Variants in KCNK13 observed in about 807,000 individuals in gnomAD.
KCNK13 encodes the protein potassium two pore domain channel subfamily K member 13, also known as potassium channel subfamily K member 13.
In KCNK13, 12 loss-of-function variants were observed where a neutral mutation model predicts 23.4. The observed-to-expected ratio is 0.51, with a 90% CI of 0.33 to 0.83. The LOEUF is 0.83. Ranked by LOEUF, KCNK13 falls within the 40% of genes least tolerant of loss-of-function variation. The pLI is 0.02. For synonymous variants in KCNK13, 231 were observed against 229.5 expected, an observed-to-expected ratio of 1.01 and a Z score of -0.06; for missense variants, 463 against 556.3, an observed-to-expected ratio of 0.83 and a Z score of 1.69.
At chr14:90,115,470 A>G (rs1308915313) in intron 1 of KCNK13, among the ~76,000 whole-genome samples, 1 of 152,222 alleles carries the variant, frequency 6.6e-6, no homozygotes, top group Non-Finnish European at 1.5e-5. Flanking sequence ...TTGGAGTCAG[A>G]AGGTTCCAGG....
intron 1 of KCNK13, among the ~76,000 whole-genome samples, chr14:90,172,624 T>C (rs1305728560): frequency 9.6e-6 from 1 of 104,462 alleles, no homozygotes; most frequent in Non-Finnish European, 1.8e-5. Context: ...ACTGATGTGA[T>C]TGTATTGTTC....
chr14:90,071,828 G>A lies in KCNK13; in HGVS notation c.334+9289G>A, dbSNP rs141420103. On this transcript the variant is annotated intron_variant, in intron 1 of 1. Transcript: ENST00000282146. Reference sequence around the variant, plus strand: ...CAGGAGAATCACTTGAACCTGGAAGGCGGAAGTTGCAGTGAGCCGAGATCG... The same window carrying A: ...CAGGAGAATCACTTGAACCTGGAAGACGGAAGTTGCAGTGAGCCGAGATCG... Among the ~76,000 whole-genome samples the A allele has an allele frequency of 3.7e-3, 556 of 152,118 alleles. 3 individuals carry two copies. Among genetic ancestry groups the A allele is most frequent in the Middle Eastern group, 0.01 (3 of 294 alleles).
intron 1 of KCNK13, among the ~76,000 whole-genome samples, chr14:90,126,501 G>A (rs1003993646): frequency 1.3e-5 from 2 of 150,408 alleles, no homozygotes; most frequent in Non-Finnish European, 2.9e-5. Flanking sequence ...CCCCTCTCTG[G>A]CCTTCTTTCC....
At chr14:90,108,639 A>G (rs1889575078) in intron 1 of KCNK13, among the ~76,000 whole-genome samples, 1 of 152,220 alleles carries the variant, frequency 6.6e-6, no homozygotes, top group Non-Finnish European at 1.5e-5. Flanking sequence ...TGGAGAAATC[A>G]TATGAAAAGT....
At chr14:90,127,127 T>G (rs2140420357) in intron 1 of KCNK13, among the ~76,000 whole-genome samples, 1 of 152,276 alleles carries the variant, frequency 6.6e-6, no homozygotes, top group East Asian at 1.9e-4. Flanking sequence ...TGTACCATAT[T>G]CATGGAAGAT....
chr14:90,156,486 G>GCC (rs1566648074), intron 1 of KCNK13, among the ~76,000 whole-genome samples: 31 of 152,062 alleles, frequency 2.0e-4, no homozygotes, highest in African/African-American at 7.5e-4. Context: ...TTCGAGAATT[G>GCC]AGATGCCAGG....
At chr14:90,179,937 G>A (rs548355662) in intron 1 of KCNK13, among the ~76,000 whole-genome samples, 21 of 152,216 alleles carry the variant, frequency 1.4e-4, no homozygotes, top group Non-Finnish European at 2.8e-4. Flanking sequence ...CCCCCTCTCC[G>A]GTTTTGGTAC....
intron 1 of KCNK13, among the ~76,000 whole-genome samples, chr14:90,147,278 G>C (rs762479669): frequency 6.6e-6 from 1 of 151,716 alleles, no homozygotes; most frequent in African/African-American, 2.4e-5. Context: ...CTAGAGACAG[G>C]GTCTCACTCT....
At position 90,178,415 on chromosome 14, in the gene KCNK13, C is replaced by T. The variant is rs544739819; in HGVS notation, c.335-5696C>T. Among the ~76,000 whole-genome samples the T allele has an allele frequency of 5.6e-3, 856 of 152,092 alleles. 2 individuals are homozygous for T. Among genetic ancestry groups the T allele is most frequent in the Admixed American group, 9.5e-3 (145 of 15,280 alleles). ...CAAGTGATTCTCCTGCCTCAGCCTC[C>T]GGAGTAGCTGGGATTACAGGCATGT... On this transcript the variant is annotated intron_variant, in intron 1 of 1. Coordinates refer to ENST00000282146, the MANE Select transcript of KCNK13 (RefSeq NM_022054.4).
chr14:90,104,073 C>T (rs987859238), intron 1 of KCNK13, among the ~76,000 whole-genome samples: 3 of 152,160 alleles, frequency 2.0e-5, no homozygotes, highest in Non-Finnish European at 4.4e-5. Flanking sequence ...CAGGAGTCAA[C>T]TTCTCTTGTC....
intron 1 of KCNK13, among the ~76,000 whole-genome samples, chr14:90,069,289 C>G (rs904878175): frequency 6.6e-6 from 1 of 152,104 alleles, no homozygotes; most frequent in Non-Finnish European, 1.5e-5. Context: ...CCCACCTCGG[C>G]CTCCCAAAGT....
chr14:90,121,042 T>G (rs12880459), intron 1 of KCNK13, among the ~76,000 whole-genome samples: 119,978 of 151,920 alleles, frequency 0.79, 47,491 homozygotes, highest in Admixed American at 0.85. Context: ...TAGGAGAAAT[T>G]GACTGACTGG....
chr14:90,153,913 C>T (rs991258718), intron 1 of KCNK13, among the ~76,000 whole-genome samples: 1 of 152,170 alleles, frequency 6.6e-6, no homozygotes, highest in African/African-American at 2.4e-5. Flanking sequence ...TTAGAGCAGG[C>T]CACCTAGCCT....
rs569531785 is a variant in KCNK13, at chr14:90,103,177, A to G, written c.334+40638A>G. 5.9e-5 allele frequency among the ~76,000 whole-genome samples: 9 copies of G among 152,322 alleles called. No homozygotes were observed. In the South Asian group the frequency reaches 1.0e-3, roughly 18 times the overall value. The stretch of plus-strand genomic sequence containing the variant: ...TATAATACCACATTGTCTTAATCCA[A>G]TCCACTGTTGATGGGCACCTAGGTT... On this transcript the variant is annotated intron_variant, in intron 1 of 1. Transcript: ENST00000282146.
chr14:90,134,535 G>A (rs1276201820), intron 1 of KCNK13, among the ~76,000 whole-genome samples: 1 of 152,148 alleles, frequency 6.6e-6, no homozygotes, highest in Non-Finnish European at 1.5e-5. Flanking sequence ...GTTGATGTTT[G>A]TAGACACACA....
intron 1 of KCNK13, among the ~76,000 whole-genome samples, chr14:90,124,623 T>G (rs1490849552): frequency 6.6e-6 from 1 of 152,190 alleles, no homozygotes; most frequent in East Asian, 1.9e-4. Flanking sequence ...CCACAAGGAA[T>G]TGAATTCTGT....
At chr14:90,099,526 G>A (rs369001950) in intron 1 of KCNK13, among the ~76,000 whole-genome samples, 1 of 152,196 alleles carries the variant, frequency 6.6e-6, no homozygotes, top group African/African-American at 2.4e-5. Context: ...TCCCTAGAGT[G>A]AGTTATTAGA....
At chr14:90,125,602 C>T (rs573110632) in intron 1 of KCNK13, among the ~76,000 whole-genome samples, 22 of 42,776 alleles carry the variant, frequency 5.1e-4, no homozygotes, top group African/African-American at 1.8e-3. Context: ...CACACACGCA[C>T]ACACACACAC....
intron 1 of KCNK13, among the ~76,000 whole-genome samples, chr14:90,071,670 G>A (rs190609162): frequency 7.6e-4 from 116 of 152,298 alleles, no homozygotes; most frequent in African/African-American, 2.6e-3. Flanking sequence ...AGGCCAAGGT[G>A]GGCAGATCAT....
Sources: gnomAD v4.1 joint callset for allele counts (sites outside exome capture counted in the v4.1 genomes callset) on GRCh38, gnomAD v4.1.1 for gene constraint, MANE v1.5 for transcripts, NCBI Gene and HGNC (gene_info 2026-07-23, HGNC 2026-07-21) for gene names.